The following SCGB2B2 variants were observed in gnomAD, a reference collection of about 807,000 sequenced individuals.
SCGB2B2 encodes the protein secretoglobin family 2B member 2, also known as secretoglobin-like protein.
In SCGB2B2, 11 loss-of-function variants were observed where a neutral mutation model predicts 7.6. The observed-to-expected ratio is 1.45, with a 90% CI of 0.91 to 2.40. The LOEUF is 2.40. Ranked by LOEUF, SCGB2B2 falls within the 30% of genes most tolerant of loss-of-function variation. SCGB2B2 has a pLI of 0.00. For synonymous variants in SCGB2B2, 50 were observed against 48.6 expected (o/e 1.03, Z -0.12); for missense variants, 104 against 115.4 (o/e 0.90, Z 0.45).
chr19:34,630,576 G>A (rs145913431), intron 1 of SCGB2B2, among the ~76,000 whole-genome samples: 3,064 of 151,900 alleles, frequency 0.02, 89 homozygotes, highest in East Asian at 0.066. Context: ...ACCATCTCAC[G>A]CCAGTTAGAA....
chr19:34,664,410 A>G (rs1367381612), intron 1 of SCGB2B2, among the ~76,000 whole-genome samples: 1 of 152,056 alleles, frequency 6.6e-6, no homozygotes, highest in Non-Finnish European at 1.5e-5. Context: ...GATTAGTCAG[A>G]CCTCACCTTG....
At chr19:34,640,761 TTA>T (rs1482873070) in intron 1 of SCGB2B2, 2 of 152,130 alleles carry the variant, frequency 1.3e-5, no homozygotes, top group Non-Finnish European at 2.9e-5. Context: ...TTTTGAATCT[TTA>T]TGTTTTTTTC....
chr19:34,615,027 C>T (rs2066032822), intron 1 of SCGB2B2, among the ~76,000 whole-genome samples: 1 of 152,164 alleles, frequency 6.6e-6, no homozygotes, highest in Non-Finnish European at 1.5e-5. Context: ...GGTGTAACAG[C>T]TGCTCAAAGC....
chr19:34,658,287 C>CA (rs748249242), intron 1 of SCGB2B2, among the ~76,000 whole-genome samples: 28 of 151,632 alleles, frequency 1.8e-4, no homozygotes, highest in African/African-American at 4.6e-4. Context: ...AAAAACCCTT[C>CA]AAAAAAAATC....
chr19:34,620,668 T>G (rs1299770589), intron 1 of SCGB2B2, among the ~76,000 whole-genome samples: 2 of 152,180 alleles, frequency 1.3e-5, no homozygotes, highest in African/African-American at 4.8e-5. Context: ...AGTATATATT[T>G]TAAAAAGTCA....
Position 34,594,512 on chromosome 19 carries a change from C to T in SCGB2B2, c.52G>A (p.Val18Ile), listed in dbSNP as rs138254432. The change falls in exon 2 of 4, where the codon GTC becomes ATC. Residue 18 changes from valine (V) to isoleucine (I), a missense_variant. Val to Ile is a conservative substitution (Grantham distance 29). Transcript: ENST00000601241. The stretch of plus-strand genomic sequence containing the variant: ...CTCGCCTCTTTCTTACCCAGCTGGA[C>T]GCTGCAGATCAGAGCCAGCAGAAGA... Reference protein sequence around the residue: ...CALLLALICSVQLGDACLDID... With the variant: ...CALLLALICSIQLGDACLDID... The T allele has an allele frequency of 8.9e-5, 143 of 1,613,732 alleles. 1 individual carries two copies. In the African/African-American group the frequency reaches 1.2e-3, roughly 13 times the overall value.
At chr19:34,614,634 C>T (rs1375310982) in intron 1 of SCGB2B2, among the ~76,000 whole-genome samples, 1 of 152,134 alleles carries the variant, frequency 6.6e-6, no homozygotes, top group Admixed American at 6.5e-5. Context: ...CTTTTACCAG[C>T]AAGTTATTAT....
intron 1 of SCGB2B2, among the ~76,000 whole-genome samples, chr19:34,631,305 GT>G (rs1306625388): frequency 0.019 from 2,515 of 131,526 alleles, 38 homozygotes; most frequent in African/African-American, 0.064. Context: ...AACATTATGA[GT>G]TTTTTTTTTT....
chr19:34,650,942 T>C (rs2067147588), intron 1 of SCGB2B2, among the ~76,000 whole-genome samples: 1 of 150,980 alleles, frequency 6.6e-6, no homozygotes, highest in Admixed American at 6.6e-5. Flanking sequence ...TGCAAGAATG[T>C]TTCCAGATAC....
chr19:34,587,867 C>T (rs751463966), downstream of SCGB2B2, among the ~76,000 whole-genome samples: 5 of 151,780 alleles, frequency 3.3e-5, no homozygotes, highest in Non-Finnish European at 7.4e-5. Context: ...CCTTGCATCC[C>T]TGGGTTGAAT....
chr19:34,607,318 G>T (rs1336317166), intron 1 of SCGB2B2, among the ~76,000 whole-genome samples: 2 of 152,094 alleles, frequency 1.3e-5, no homozygotes, highest in African/African-American at 2.4e-5. Flanking sequence ...GATAGCTTTT[G>T]TGTGTGTGTA....
rs570474300 is a variant in SCGB2B2 at position 34,655,000 on chromosome 19, A to C, written c.-2032+20630T>G. ...ATGTAAATTCTTCCAAAGAATAAAC[A>C]ATGAGGGTACATTCTCTGTACCAAT... is the stretch of plus-strand genomic sequence containing the variant. On this transcript the variant is annotated intron_variant, in intron 1 of 3. Coordinates refer to ENST00000601241, the MANE Select transcript of SCGB2B2 (RefSeq NM_001025591.4). 5.0e-4 allele frequency among the ~76,000 whole-genome samples: 76 copies of C among 151,384 alleles called. 1 individual carries two copies. Among genetic ancestry groups the C allele is most frequent in the Non-Finnish European group, 9.8e-4 (67 of 68,048 alleles).
chr19:34,671,676 A>G (rs754246462), intron 1 of SCGB2B2, among the ~76,000 whole-genome samples: 3 of 152,186 alleles, frequency 2.0e-5, no homozygotes, highest in Non-Finnish European at 4.4e-5. Context: ...GTAGTTTTCA[A>G]TGTACATATC....
At chr19:34,648,764 T>C (rs1320444648) in intron 1 of SCGB2B2, among the ~76,000 whole-genome samples, 1 of 151,726 alleles carries the variant, frequency 6.6e-6, no homozygotes, top group Non-Finnish European at 1.5e-5. Flanking sequence ...CTTCATACTT[T>C]TTTGGTTATT....
chr19:34,627,499 A>G (rs1210884983), intron 1 of SCGB2B2, among the ~76,000 whole-genome samples: 1 of 152,236 alleles, frequency 6.6e-6, no homozygotes, highest in Admixed American at 6.5e-5. Context: ...TTAAACCAAC[A>G]AAGATCAAAA....
intron 1 of SCGB2B2, among the ~76,000 whole-genome samples, chr19:34,642,562 A>G (rs1382658273): frequency 6.6e-6 from 1 of 151,694 alleles, no homozygotes; most frequent in Non-Finnish European, 1.5e-5. Context: ...AAAAATACAA[A>G]AAAATTAGCC....
downstream of SCGB2B2, among the ~76,000 whole-genome samples, chr19:34,589,584 A>T (rs1463037896): frequency 6.6e-6 from 1 of 152,092 alleles, no homozygotes; most frequent in Non-Finnish European, 1.5e-5. Flanking sequence ...ACAGAGTTGG[A>T]GGCTGCAGGG....
At chr19:34,621,163 C>T (rs2066230735) in intron 1 of SCGB2B2, among the ~76,000 whole-genome samples, 1 of 152,122 alleles carries the variant, frequency 6.6e-6, no homozygotes, top group African/African-American at 2.4e-5. Context: ...TTAATTATAA[C>T]TTTTTTTGTA....
chr19:34,671,389 T>G (rs2067798536), intron 1 of SCGB2B2, among the ~76,000 whole-genome samples: 1 of 152,386 alleles, frequency 6.6e-6, no homozygotes, highest in South Asian at 2.1e-4. Flanking sequence ...TAATTAACTT[T>G]ATAATATGTC....
Sources: gnomAD v4.1 joint callset for allele counts (sites outside exome capture counted in the v4.1 genomes callset) on GRCh38, gnomAD v4.1.1 for gene constraint, MANE v1.5 for transcripts, NCBI Gene and HGNC (gene_info 2026-07-23, HGNC 2026-07-21) for gene names.